TET3: variants seen among roughly 807,000 people sequenced by gnomAD.
TET3 encodes tet methylcytosine dioxygenase 3.
TET3 carries 19 observed loss-of-function variants against 141.4 expected under a neutral mutation model. The observed-to-expected ratio is 0.13, with a 90% CI of 0.09 to 0.20. The LOEUF (loss-of-function observed/expected upper bound fraction) is 0.20, where lower values mean the gene tolerates loss of function less well. Among genes scored for constraint, TET3 ranks in the 10% least tolerant of loss-of-function variants. The probability of loss-of-function intolerance (pLI) is 1.00; values close to 1 mark genes in which losing one functional copy is unlikely to be tolerated. For missense variants in TET3, 1,874 were observed against 2,356.9 expected, an observed-to-expected ratio of 0.80 and a Z score of 4.24; for synonymous variants, 1,043 against 980.9, an observed-to-expected ratio of 1.06 and a Z score of -1.18.
chr2:74,046,459 ACTGGGAGGCTGC>A lies in TET3; in HGVS notation c.544_555del (p.Trp182_Ala185del). On this transcript the variant is annotated inframe_deletion, in exon 4 of 12. Coordinates refer to ENST00000409262, the MANE Select transcript of TET3 (RefSeq NM_001287491.2). This position sits in a 1 kb window ranked among gnomAD's most constrained non-coding sequence, Gnocchi z 4.3. ...CCTTGGCGGGTAGACCAAAAGCCCG[ACTGGGAGGCTGC>A]CCCAGGCCCAGCTCATACTGCTCGC... 1.2e-6 allele frequency: 2 copies of A among 1,610,730 alleles called. No homozygotes were observed. The highest frequency in any genetic ancestry group is 1.7e-6 in the Non-Finnish European group (2 of 1,177,996).
At chr2:74,129,723 A>G in the TET3 span, among the ~76,000 whole-genome samples, 31,748 of 152,056 alleles carry the variant, frequency 0.21, 3,631 homozygotes, top group East Asian at 0.41. Context: ...GCCCCCAATG[A>G]CTTTTTTGTT....
Position 74,093,645 on chromosome 2 carries a change from C to T in TET3, c.3246C>T (p.Asn1082=), listed in dbSNP as rs1207687744. 6.2e-7 allele frequency: 1 copy of T among 1,612,766 alleles called. No individual in the cohort carries two copies. The highest frequency in any genetic ancestry group is 1.7e-5 in the Admixed American group (1 of 59,950). ...FCAHAHKDQH[N]LYNGCTVVCT... ...CCCACGCCCACAAGGACCAGCATAA[C>T]CTCTACAATGGGTGCACCGTGGTAA... The change falls in exon 10 of 12, where the codon AAC becomes AAT. Residue 1082 remains asparagine, a synonymous_variant. Coordinates refer to ENST00000409262, the MANE Select transcript of TET3 (RefSeq NM_001287491.2). This position sits in a 1 kb window ranked among gnomAD's most constrained non-coding sequence, Gnocchi z 4.2.
Position 74,102,208 on chromosome 2 carries a change from G to T in TET3, c.*32G>T. On this transcript the variant is annotated 3_prime_UTR_variant, in exon 12 of 12. Transcript: ENST00000409262. Reference sequence around the variant, plus strand: ...GGGAGCCAGCGTACCTCAGCGTCGGGCCTGGCCCGAGCTGTCTCTGTGGTG... The same window carrying T: ...GGGAGCCAGCGTACCTCAGCGTCGGTCCTGGCCCGAGCTGTCTCTGTGGTG... 1 of 1,420,464 alleles carries T rather than the reference G, an allele frequency of 7.0e-7. No homozygotes were observed. The highest frequency in any genetic ancestry group is 9.2e-7 in the Non-Finnish European group (1 of 1,085,206). The allele number at this position is 1,420,464 out of a possible 1,614,324, so 88.0% of individuals were successfully genotyped here.
intron 1 of TET3, among the ~76,000 whole-genome samples, chr2:73,985,655 C>T (rs936317087): frequency 1.3e-5 from 2 of 152,052 alleles, no homozygotes; most frequent in Non-Finnish European, 2.9e-5. Flanking sequence ...AGGGAGGGCC[C>T]GGCGGCCTCC....
Position 74,100,677 on chromosome 2 carries a change from C to T in TET3, c.3889C>T (p.Pro1297Ser), listed in dbSNP as rs1175249793. 6.2e-7 allele frequency: 1 copy of T among 1,614,048 alleles called. No individual in the cohort carries two copies. Among genetic ancestry groups the T allele is most frequent in the Non-Finnish European group, 8.5e-7 (1 of 1,179,896 alleles). Reference protein sequence around the residue: ...YGFPSSNPVFPSQFLGPGAWG... With the variant: ...YGFPSSNPVFSSQFLGPGAWG... ...CTTTCCATCCAGCAACCCCGTCTTC[C>T]CCTCTCAGTTCCTGGGTCCTGGTGC... The change falls in exon 12 of 12, where the codon CCC (proline) becomes TCC (serine). Residue 1297 changes from proline to serine, a missense_variant. By Grantham distance (74) the Pro-to-Ser change is moderately conservative (BLOSUM62 -1). Transcript: ENST00000409262.
At chr2:74,024,041 CTATT>C (rs1345528848) in intron 3 of TET3, among the ~76,000 whole-genome samples, 2 of 152,290 alleles carry the variant, frequency 1.3e-5, no homozygotes, top group Admixed American at 6.5e-5. Flanking sequence ...TTTAGTAAAA[CTATT>C]TATGAAAACA....
At chr2:74,057,416 C>T (rs942469635) in intron 4 of TET3, among the ~76,000 whole-genome samples, 1 of 152,230 alleles carries the variant, frequency 6.6e-6, no homozygotes, top group Non-Finnish European at 1.5e-5. Context: ...CTCCTATCCC[C>T]TCTCAGACTG....
Position 74,004,289 on chromosome 2 carries a change from C to G in TET3, c.360+1123C>G, listed in dbSNP as rs188820022. 4.5e-4 allele frequency among the ~76,000 whole-genome samples: 68 copies of G among 152,250 alleles called. No individual in the cohort carries two copies. The Middle Eastern group carries it at 0.01, about 23-fold the overall frequency. On this transcript the variant is annotated intron_variant, in intron 3 of 11. Transcript: ENST00000409262. ...GCAGGTGGGTGAGCTGCAAGTGTCCCCAGATACCCTTAGTTTCCTCCCTGG... is the reference window on the plus strand; with the variant it reads ...GCAGGTGGGTGAGCTGCAAGTGTCCGCAGATACCCTTAGTTTCCTCCCTGG...
chr2:74,120,283 C>T, the TET3 span, among the ~76,000 whole-genome samples: 3 of 152,232 alleles, frequency 2.0e-5, no homozygotes, highest in South Asian at 2.1e-4. Flanking sequence ...TCGCTCTGGC[C>T]GACGGCCTCC....
intron 4 of TET3, among the ~76,000 whole-genome samples, chr2:74,069,004 T>A (rs192582793): frequency 2.0e-5 from 3 of 152,312 alleles, no homozygotes; most frequent in Middle Eastern, 3.4e-3. Flanking sequence ...TACAAAGTTT[T>A]TCTTCAGTTG....
intron 3 of TET3, among the ~76,000 whole-genome samples, chr2:74,021,837 T>C (rs998583387): frequency 2.0e-5 from 3 of 152,236 alleles, no homozygotes; most frequent in South Asian, 2.1e-4. Context: ...TGAAAAGATA[T>C]GCCTTTAAAT....
chr2:74,120,463 C>T, the TET3 span, among the ~76,000 whole-genome samples: 1 of 152,238 alleles, frequency 6.6e-6, no homozygotes, highest in Non-Finnish European at 1.5e-5. Flanking sequence ...GGAACGTGTG[C>T]CTGGGCCGCT....
In TET3 at chr2:73,986,285, T is replaced by C. The variant is rs2105055837; in HGVS notation, c.-119T>C. Reference sequence around the variant, plus strand: ...ATCCACGAGACTGAAGCCACTTGCCTTCACCCTTGTAGACTCTTGACTGTT... The same window carrying C: ...ATCCACGAGACTGAAGCCACTTGCCCTCACCCTTGTAGACTCTTGACTGTT... On this transcript the variant is annotated 5_prime_UTR_variant, in exon 2 of 12. Coordinates refer to ENST00000409262, the MANE Select transcript of TET3 (RefSeq NM_001287491.2). 2.1e-6 allele frequency: 2 copies of C among 966,670 alleles called. No homozygotes were observed. The highest frequency in any genetic ancestry group is 1.7e-5 in the African/African-American group (1 of 59,294). The allele number at this position is 966,670 out of a possible 1,614,324, so 59.9% of individuals were successfully genotyped here. A position where few individuals can be genotyped will look rare whatever the true frequency, so the allele number is the denominator to read the frequency against.
chr2:74,002,880 CAG>C (rs1351068424), intron 2 of TET3: 1 of 564,574 alleles, frequency 1.8e-6, no homozygotes, highest in African/African-American at 1.9e-5. Flanking sequence ...GGGGGATTCT[CAG>C]AGGAGAAATG....
At position 74,105,427 on chromosome 2, in the gene TET3, G is replaced by GT; in HGVS notation, c.*3252dup. The GT allele has an allele frequency of 2.5e-6, 1 of 398,520 alleles. No individual in the cohort carries two copies. Among genetic ancestry groups the GT allele is most frequent in the Non-Finnish European group, 4.4e-6 (1 of 226,072 alleles). The allele number at this position is 398,520 out of a possible 1,614,324, so 24.7% of individuals were successfully genotyped here. On this transcript the variant is annotated 3_prime_UTR_variant, in exon 12 of 12. Transcript: ENST00000409262. ...GCAGCAGGTTCTCACAAAATAACTG[G>GT]TGCTAGCTCAAGAAATCATCATCTG...
downstream of TET3, among the ~76,000 whole-genome samples, chr2:74,109,223 T>C (rs1053235360): frequency 1.3e-5 from 2 of 152,214 alleles, no homozygotes; most frequent in African/African-American, 4.8e-5. Flanking sequence ...TGGTTAGCTA[T>C]AAATATGCTG....
Position 74,046,709 on chromosome 2 carries a change from G to T in TET3, c.792G>T (p.Arg264=), listed in dbSNP as rs765765435. 1.2e-6 allele frequency: 2 copies of T among 1,613,990 alleles called. No individual in the cohort carries two copies. The highest frequency in any genetic ancestry group is 3.3e-5 in the Admixed American group (2 of 60,034). The stretch of plus-strand genomic sequence containing the variant: ...TGCAGACGGCCCTGGCCCTCGCGCG[G>T]CATGGTATGAAACCACCCAACTGCA... ...DTLQTALALA[R]HGMKPPNCNC... is the part of the protein sequence containing the mutation. Residue 264 remains arginine (R), a synonymous_variant, in exon 4 of 12, where the codon CGG becomes CGT. Coordinates refer to ENST00000409262, the MANE Select transcript of TET3 (RefSeq NM_001287491.2). This position sits in a 1 kb window ranked among gnomAD's most constrained non-coding sequence, Gnocchi z 4.3.
chr2:74,097,740 C>T (rs921824600), intron 10 of TET3, among the ~76,000 whole-genome samples: 5 of 152,090 alleles, frequency 3.3e-5, no homozygotes, highest in African/African-American at 4.8e-5. Context: ...GGTGGTTCCT[C>T]GTGCACGGCC....
intron 4 of TET3, among the ~76,000 whole-genome samples, chr2:74,064,307 C>G (rs1688759616): frequency 6.6e-6 from 1 of 152,108 alleles, no homozygotes; most frequent in African/African-American, 2.4e-5. Context: ...AGATTAAATA[C>G]TGTTTAAATT....
Sources: gnomAD v4.1 joint callset for allele counts (sites outside exome capture counted in the v4.1 genomes callset) on GRCh38, gnomAD v4.1.1 for gene constraint, Gnocchi (gnomAD v3.1) non-coding constraint, MANE v1.5 for transcripts, NCBI Gene and HGNC (gene_info 2026-07-23, HGNC 2026-07-21) for gene names.